The following PRPF40B variants were observed in gnomAD, a reference collection of about 807,000 sequenced individuals.
PRPF40B encodes pre-mRNA processing factor 40B, also known as pre-mRNA-processing factor 40 homolog B.
PRPF40B carries 56 observed loss-of-function variants against 124.5 expected under a neutral mutation model. That is an observed-to-expected ratio of 0.45 (90% CI 0.36 to 0.56). The LOEUF is 0.56. PRPF40B is among the 20% of genes least tolerant of loss of function. The probability of loss-of-function intolerance (pLI) is 0.00; values close to 1 mark genes in which losing one functional copy is unlikely to be tolerated. For missense variants in PRPF40B, 1,053 were observed against 1,169.5 expected (o/e 0.90, Z 1.45); for synonymous variants, 443 against 426.4 (o/e 1.04, Z -0.48).
intron 4 of PRPF40B, chr12:49,632,163 CT>C: frequency 1.6e-6 from 1 of 607,486 alleles, no homozygotes; most frequent in South Asian, 1.9e-5. Context: ...GTCCAGCTCC[CT>C]TAAGGAGCAC....
At chr12:49,627,480 T>G (rs1275358775) in intron 1 of PRPF40B, among the ~76,000 whole-genome samples, 1 of 151,722 alleles carries the variant, frequency 6.6e-6, no homozygotes, top group Non-Finnish European at 1.5e-5. Context: ...GTAGGCAAGG[T>G]GTGTGGGGTT....
At position 49,636,808 on chromosome 12, in the gene PRPF40B, C is replaced by T. The variant is rs368904714; in HGVS notation, c.1519C>T (p.Arg507Trp). The change falls in exon 16 of 26, where the codon CGG becomes TGG. Residue 507 changes from arginine to tryptophan, a missense_variant. Arg to Trp is a moderately radical substitution (Grantham distance 101). Around this residue, in one of 2 missense-constraint regions of PRPF40B, gnomAD observed 895 missense variants for 1,052.2 expected, o/e 0.85. Transcript: ENST00000548825. ...EEEERERARL[R>W]ERRQQRKNRE... ...GGAGGAACGGGAGCGGGCCCGGCTT[C>T]GGGAGCGACGCCAACAACGCAAGAA... The T allele has an allele frequency of 7.1e-5, 114 of 1,614,060 alleles. No homozygotes were observed. Among genetic ancestry groups the T allele is most frequent in the Middle Eastern group, 1.6e-4 (1 of 6,074 alleles).
intron 18 of PRPF40B, chr12:49,639,784 G>A (rs995583243): frequency 6.6e-6 from 1 of 152,226 alleles, no homozygotes; most frequent in Non-Finnish European, 1.5e-5. Context: ...AGAGGTGTCA[G>A]GGCAGTGGAT....
At position 49,643,007 on chromosome 12, in the gene PRPF40B, C is replaced by A; in HGVS notation, c.2196C>A (p.His732Gln). 1 of 1,613,750 alleles carries A rather than the reference C, an allele frequency of 6.2e-7. No individual in the cohort carries two copies. The highest frequency in any genetic ancestry group is 1.1e-5 in the South Asian group (1 of 90,988). The change falls in exon 22 of 26, where the codon CAC (histidine) becomes CAA (glutamine). Residue 732 changes from histidine to glutamine, a missense_variant. This residue lies in a region of PRPF40B where 895 missense variants were observed against 1,052.2 expected (regional missense o/e 0.85). Coordinates refer to ENST00000548825, the MANE Select transcript of PRPF40B (RefSeq NM_001031698.3). The stretch of plus-strand genomic sequence containing the variant: ...AGAAGCACCATCACAAGCGTTCCCA[C>A]TCACCCTCAGTGAGTAAGCGTGTAG... ...KGKKHHHKRS[H>Q]SPSGSESEEE...
At chr12:49,623,958 C>T (rs1592567428) in intron 1 of PRPF40B, 1 of 1,089,416 alleles carries the variant, frequency 9.2e-7, no homozygotes, top group Non-Finnish European at 1.1e-6. Context: ...ACCAGTTTCC[C>T]CTCCTGGGAT....
intron 1 of PRPF40B, among the ~76,000 whole-genome samples, chr12:49,628,579 TTG>T: frequency 6.7e-6 from 1 of 148,456 alleles, no homozygotes. Flanking sequence ...TTTTTTTTTT[TTG>T]GAGACGAAAT....
chr12:49,631,595 G>T lies in PRPF40B; in HGVS notation c.228+51G>T. On this transcript the variant is annotated intron_variant, in intron 3 of 25. Coordinates refer to ENST00000548825, the MANE Select transcript of PRPF40B (RefSeq NM_001031698.3). This position sits in a 1 kb window ranked among gnomAD's most constrained non-coding sequence, Gnocchi z 4.3. ...CTCAGAAAACCCTGTCAGTTTAGCT[G>T]GGGGTGGAGATAAGAGCGGGCATGT... The T allele has an allele frequency of 6.6e-7, 1 of 1,523,750 alleles. No individual in the cohort carries two copies. Among genetic ancestry groups the T allele is most frequent in the Non-Finnish European group, 8.8e-7 (1 of 1,136,426 alleles). The allele number at this position is 1,523,750 out of a possible 1,614,324, so 94.4% of individuals were successfully genotyped here. A position where few individuals can be genotyped will look rare whatever the true frequency, so the allele number is the denominator to read the frequency against.
intron 1 of PRPF40B, among the ~76,000 whole-genome samples, chr12:49,626,725 A>G (rs1940750400): frequency 6.6e-6 from 1 of 152,172 alleles, no homozygotes; most frequent in Admixed American, 6.5e-5. Flanking sequence ...GTAAGTTCTC[A>G]ATAAAACGTT....
At chr12:49,639,659 A>G (rs1942330742) in intron 18 of PRPF40B, 1 of 152,098 alleles carries the variant, frequency 6.6e-6, no homozygotes, top group African/African-American at 2.4e-5. Context: ...TAAGATTTCT[A>G]TTTTAATAAA....
Position 49,643,726 on chromosome 12 carries a change from A to G in PRPF40B, c.2416A>G (p.Lys806Glu), listed in dbSNP as rs1439664161. ...TCGGAAAGCCAAGAAACCAAAAAAG[A>G]AAACTAAGAAGAGAAGACACAAGTC... is the stretch of plus-strand genomic sequence containing the variant. ...GLRKAKKPKKKTKKRRHKSNS... is the reference protein window; with the variant it reads ...GLRKAKKPKKETKKRRHKSNS... The change falls in exon 24 of 26, where the codon AAA (lysine) becomes GAA (glutamate). Residue 806 changes from lysine (K) to glutamate (E), a missense_variant. This residue lies in a region of PRPF40B where 895 missense variants were observed against 1,052.2 expected (regional missense o/e 0.85). Coordinates refer to ENST00000548825, the MANE Select transcript of PRPF40B (RefSeq NM_001031698.3). The G allele has an allele frequency of 6.2e-7, 1 of 1,614,162 alleles. No individual in the cohort carries two copies. Among genetic ancestry groups the G allele is most frequent in the South Asian group, 1.1e-5 (1 of 91,070 alleles).
Position 49,635,260 on chromosome 12 carries a change from A to T in PRPF40B, c.1163A>T (p.Tyr388Phe). Residue 388 changes from tyrosine (Y) to phenylalanine (F), a missense_variant, in exon 13 of 26, where the codon TAC becomes TTC. By Grantham distance (22) the Tyr-to-Phe change is conservative. Coordinates refer to ENST00000548825, the MANE Select transcript of PRPF40B (RefSeq NM_001031698.3). The surrounding 1 kb of genome is among the most constrained non-coding windows in gnomAD (Gnocchi z 4.1). ...GAACGCATGACCTCCACCACCCGCTACCGGTCAGGGGGCCAGGCTGGGCTG... is the reference window on the plus strand; with the variant it reads ...GAACGCATGACCTCCACCACCCGCTTCCGGTCAGGGGGCCAGGCTGGGCTG... ...QHERMTSTTRYRRAEQTFGEL... is the reference protein window; with the variant it reads ...QHERMTSTTRFRRAEQTFGEL... 1 of 1,613,018 alleles carries T rather than the reference A, an allele frequency of 6.2e-7. No homozygotes were observed. Among genetic ancestry groups the T allele is most frequent in the Non-Finnish European group, 8.5e-7 (1 of 1,179,418 alleles).
chr12:49,634,195 A>AGG, intron 10 of PRPF40B, 103 bp downstream of exon 10: 3 of 1,575,520 alleles, frequency 1.9e-6, no homozygotes, highest in South Asian at 2.4e-5. Flanking sequence ...GGGTTTGAAG[A>AGG]TCTGGGTGTG....
chr12:49,635,150 G>T lies in PRPF40B; in HGVS notation c.1053G>T (p.Ala351=), dbSNP rs1029544633. Residue 351 remains alanine (A), a synonymous_variant, in exon 13 of 26, where the codon GCG becomes GCT. Coordinates refer to ENST00000548825, the MANE Select transcript of PRPF40B (RefSeq NM_001031698.3). This position sits in a 1 kb window ranked among gnomAD's most constrained non-coding sequence, Gnocchi z 4.1. The stretch of plus-strand genomic sequence containing the variant: ...AGCAGGCATTCAATGCCTACAAGGC[G>T]CAGCGGGAGAAGGAGGAGAAGGAGG... ...EKKQAFNAYK[A]QREKEEKEEA... is the part of the protein sequence containing the mutation. The T allele has an allele frequency of 1.9e-6, 3 of 1,614,062 alleles. No homozygotes were observed. Among genetic ancestry groups the T allele is most frequent in the Non-Finnish European group, 2.5e-6 (3 of 1,180,004 alleles).
rs781278822 is a variant in PRPF40B, at chr12:49,635,262, C to A, written c.1165C>A (p.Arg389=). ...ACGCATGACCTCCACCACCCGCTAC[C>A]GGTCAGGGGGCCAGGCTGGGCTGGG... is the stretch of plus-strand genomic sequence containing the variant. ...HERMTSTTRY[R]RAEQTFGELE... The change falls in exon 13 of 26, where the codon CGG becomes AGG. Residue 389 remains arginine, a splice_region_variant and synonymous_variant. Transcript: ENST00000548825. The surrounding 1 kb of genome is among the most constrained non-coding windows in gnomAD (Gnocchi z 4.1). 6.2e-7 allele frequency: 1 copy of A among 1,612,514 alleles called. No individual in the cohort carries two copies. The highest frequency in any genetic ancestry group is 8.5e-7 in the Non-Finnish European group (1 of 1,179,210).
At chr12:49,636,020 A>ATCCCTT in intron 15 of PRPF40B, 27 bp downstream of exon 15, 9 of 1,612,672 alleles carry the variant, frequency 5.6e-6, no homozygotes, top group Non-Finnish European at 7.6e-6. Flanking sequence ...AATCCCAGCT[A>ATCCCTT]TCCCTTTCCC....
chr12:49,640,821 G>A (rs543549136), intron 18 of PRPF40B: 1 of 152,334 alleles, frequency 6.6e-6, no homozygotes, highest in South Asian at 2.1e-4. Flanking sequence ...ATGAAGGGGA[G>A]AGCATGGTGG....
rs765613093 is a variant in PRPF40B at position 49,635,865 on chromosome 12, G to A, written c.1298G>A (p.Arg433His). The change falls in exon 15 of 26, where the codon CGC becomes CAC. Residue 433 changes from arginine to histidine, a missense_variant. Arg to His is a conservative substitution (Grantham distance 29). Transcript: ENST00000548825. The surrounding 1 kb of genome is among the most constrained non-coding windows in gnomAD (Gnocchi z 4.1). Reference sequence around the variant, plus strand: ...TAGGAACAGGCCAAGCAGCTCCGGCGCCGCAATATCCAGGCCCTAAAGAGC... The same window carrying A: ...TAGGAACAGGCCAAGCAGCTCCGGCACCGCAATATCCAGGCCCTAAAGAGC... ...KEKEQAKQLR[R>H]RNIQALKSIL... The A allele has an allele frequency of 1.2e-5, 19 of 1,613,768 alleles. No individual in the cohort carries two copies. Among genetic ancestry groups the A allele is most frequent in the African/African-American group, 6.7e-5 (5 of 74,812 alleles).
chr12:49,634,535 C>T lies in PRPF40B; in HGVS notation c.937-3C>T, dbSNP rs1408606928. The T allele has an allele frequency of 6.8e-6, 11 of 1,614,232 alleles. No homozygotes were observed. The highest frequency in any genetic ancestry group is 9.3e-6 in the Non-Finnish European group (11 of 1,180,030). ...CCCATGACTCCCACCTGCTTCATTC[C>T]AGGCTGTCCCCTCCAATGCCTCATG... On this transcript the variant is annotated splice_polypyrimidine_tract_variant and splice_region_variant and intron_variant, in intron 11 of 25. Transcript: ENST00000548825.
At chr12:49,623,372 G>A (rs1940371538), upstream of PRPF40B, 3 of 240,320 alleles carry the variant, frequency 1.2e-5, no homozygotes, top group South Asian at 1.7e-4. Flanking sequence ...ACGCGGCGGC[G>A]CGGGGGCGGG....
Sources: allele counts gnomAD v4.1 joint callset (sites outside exome capture counted in the v4.1 genomes callset), GRCh38; gene constraint gnomAD v4.1.1; regional missense constraint gnomAD v4.1.1; non-coding constraint Gnocchi (gnomAD v3.1); transcripts MANE v1.5; gene names NCBI Gene and HGNC (gene_info 2026-07-23, HGNC 2026-07-21).